Variants in KCNQ5 observed in about 807,000 individuals in gnomAD.
The protein encoded by KCNQ5 is potassium voltage-gated channel subfamily Q member 5.
Under a neutral mutation model 98.2 loss-of-function variants are expected in KCNQ5, and 30 were observed. That is an observed-to-expected ratio of 0.31 (90% CI 0.23 to 0.41). The LOEUF is 0.41. Among genes scored for constraint, KCNQ5 ranks in the 10% least tolerant of loss-of-function variants. KCNQ5 has a pLI of 1.00. For synonymous variants in KCNQ5, 458 were observed against 449.4 expected, an observed-to-expected ratio of 1.02 and a Z score of -0.24; for missense variants, 835 against 1,182.5, an observed-to-expected ratio of 0.71 and a Z score of 4.31.
chr6:72,717,776 G>A (rs925110682), intron 1 of KCNQ5, among the ~76,000 whole-genome samples: 10 of 152,112 alleles, frequency 6.6e-5, no homozygotes, highest in Admixed American at 3.3e-4. Context: ...AATAAAAATC[G>A]AGTGAATACT....
At chr6:72,971,700 A>G (rs1767909064) in intron 1 of KCNQ5, among the ~76,000 whole-genome samples, 2 of 152,226 alleles carry the variant, frequency 1.3e-5, no homozygotes. Flanking sequence ...GACATGGATG[A>G]AGCTGGAAAC....
At chr6:72,696,293 T>G (rs750143148) in intron 1 of KCNQ5, among the ~76,000 whole-genome samples, 66 of 151,242 alleles carry the variant, frequency 4.4e-4, no homozygotes, top group Admixed American at 3.3e-4. Context: ...TAAAATGAAT[T>G]ATGGTAATCA....
intron 1 of KCNQ5, among the ~76,000 whole-genome samples, chr6:72,917,920 T>A (rs561830848): frequency 2.0e-5 from 3 of 152,212 alleles, no homozygotes; most frequent in Non-Finnish European, 2.9e-5. Flanking sequence ...TTGGGCCAGG[T>A]GTTTCTTTTC....
intron 5 of KCNQ5, among the ~76,000 whole-genome samples, chr6:73,086,702 T>C (rs1774001287): frequency 1.3e-5 from 2 of 152,188 alleles, no homozygotes; most frequent in Non-Finnish European, 2.9e-5. Flanking sequence ...TTCCACTTTC[T>C]AGTTAAGGAA....
intron 1 of KCNQ5, among the ~76,000 whole-genome samples, chr6:72,920,229 G>A (rs897055431): frequency 2.6e-5 from 4 of 152,088 alleles, no homozygotes; most frequent in African/African-American, 9.7e-5. Context: ...GGGAGGCAGA[G>A]GTTGCAGTGA....
At chr6:72,784,890 T>C (rs1773656842) in intron 1 of KCNQ5, among the ~76,000 whole-genome samples, 1 of 152,164 alleles carries the variant, frequency 6.6e-6, no homozygotes, top group Non-Finnish European at 1.5e-5. Flanking sequence ...GAGAAAGTGA[T>C]GGTAATGGAT....
chr6:72,774,108 A>G (rs775308264), intron 1 of KCNQ5, among the ~76,000 whole-genome samples: 1 of 152,182 alleles, frequency 6.6e-6, no homozygotes, highest in Non-Finnish European at 1.5e-5. Context: ...ATACATGAAA[A>G]TCAATTCTAG....
chr6:73,169,876 C>T (rs753885830), intron 11 of KCNQ5, 22 bp downstream of exon 11: 5 of 1,429,528 alleles, frequency 3.5e-6, no homozygotes, highest in Non-Finnish European at 4.9e-6. Flanking sequence ...TCTTGAACAA[C>T]GTGATTCAGA....
At chr6:72,878,725 C>A (rs539889939) in intron 1 of KCNQ5, among the ~76,000 whole-genome samples, 3 of 152,200 alleles carry the variant, frequency 2.0e-5, no homozygotes, top group Admixed American at 6.5e-5. Context: ...GTTCATTTTA[C>A]CTTTAAATTA....
chr6:73,154,324 A>C (rs1777270186), intron 10 of KCNQ5, among the ~76,000 whole-genome samples: 1 of 152,174 alleles, frequency 6.6e-6, no homozygotes, highest in Admixed American at 6.5e-5. Flanking sequence ...CACATGATTG[A>C]GATTTTACAA....
chr6:72,738,788 G>A (rs935047755), intron 1 of KCNQ5, among the ~76,000 whole-genome samples: 2 of 152,114 alleles, frequency 1.3e-5, no homozygotes, highest in Non-Finnish European at 2.9e-5. Context: ...CTAAGTGAAA[G>A]AAGCCAATCT....
intron 1 of KCNQ5, among the ~76,000 whole-genome samples, chr6:72,698,139 T>C (rs751556345): frequency 6.6e-5 from 10 of 152,200 alleles, no homozygotes; most frequent in Non-Finnish European, 1.5e-4. Flanking sequence ...AGCTTCAGAA[T>C]AAAGTTATTC....
At chr6:72,916,977 C>T (rs368211127) in intron 1 of KCNQ5, among the ~76,000 whole-genome samples, 16 of 152,164 alleles carry the variant, frequency 1.1e-4, no homozygotes, top group Admixed American at 3.9e-4. Flanking sequence ...CACATGAATG[C>T]TCATTTTCTT....
intron 10 of KCNQ5, among the ~76,000 whole-genome samples, chr6:73,144,372 T>A (rs1474077743): frequency 6.6e-6 from 1 of 152,140 alleles, no homozygotes; most frequent in Non-Finnish European, 1.5e-5. Context: ...CAGAATAACA[T>A]TACCTGGGAA....
chr6:72,778,262 C>G (rs931941685), intron 1 of KCNQ5, among the ~76,000 whole-genome samples: 1 of 152,154 alleles, frequency 6.6e-6, no homozygotes, highest in Non-Finnish European at 1.5e-5. Flanking sequence ...ACAGGCCAGG[C>G]GCAGTGGCTC....
Position 72,622,767 on chromosome 6 carries a change from C to T in KCNQ5, c.398+180C>T, listed in dbSNP as rs972828210. ...CCTCTCCCCTCCCCCAGCCCCACTT[C>T]TCTCATCTCTACAGCTTGAACCTTT... On this transcript the variant is annotated intron_variant, in intron 1 of 13. Transcript: ENST00000370398. The surrounding 1 kb of genome is among the most constrained non-coding windows in gnomAD (Gnocchi z 6.0). Among the ~76,000 whole-genome samples the T allele has an allele frequency of 6.6e-6, 1 of 152,206 alleles. No homozygotes were observed. Among genetic ancestry groups the T allele is most frequent in the Admixed American group, 6.5e-5 (1 of 15,294 alleles).
chr6:72,834,690 C>T (rs1008550376), intron 1 of KCNQ5, among the ~76,000 whole-genome samples: 1 of 152,096 alleles, frequency 6.6e-6, no homozygotes, highest in African/African-American at 2.4e-5. Flanking sequence ...CCTTCTTTTA[C>T]GTGGAAATAG....
chr6:72,683,211 C>A (rs773200229), intron 1 of KCNQ5, among the ~76,000 whole-genome samples: 3 of 152,024 alleles, frequency 2.0e-5, no homozygotes, highest in Non-Finnish European at 4.4e-5. Flanking sequence ...CAAAGCCAAG[C>A]CTTTGCTGTC....
chr6:72,928,870 C>T (rs1765560257), intron 1 of KCNQ5, among the ~76,000 whole-genome samples: 1 of 152,086 alleles, frequency 6.6e-6, no homozygotes, highest in African/African-American at 2.4e-5. Context: ...TAATTCTTCA[C>T]TCAACCACCC....
Sources: gnomAD v4.1 joint callset for allele counts (sites outside exome capture counted in the v4.1 genomes callset) on GRCh38, gnomAD v4.1.1 for gene constraint, Gnocchi (gnomAD v3.1) non-coding constraint, MANE v1.5 for transcripts, NCBI Gene and HGNC (gene_info 2026-07-23, HGNC 2026-07-21) for gene names.